Variants in CACUL1 observed in about 807,000 individuals in gnomAD.
The protein encoded by CACUL1 is CDK2 associated cullin domain 1, also known as CDK2-associated and cullin domain-containing protein 1.
Under a neutral mutation model 45.2 loss-of-function variants are expected in CACUL1, and 13 were observed. The observed-to-expected ratio is 0.29, with a 90% CI of 0.19 to 0.46. The LOEUF (loss-of-function observed/expected upper bound fraction) is 0.46, where lower values mean the gene tolerates loss of function less well. Ranked by LOEUF, CACUL1 falls within the 20% of genes least tolerant of loss-of-function variation. The probability of loss-of-function intolerance (pLI) is 1.00; values close to 1 mark genes in which losing one functional copy is unlikely to be tolerated. For missense variants in CACUL1, 421 were observed against 471.4 expected (o/e 0.89, Z 0.99); for synonymous variants, 197 against 174.2 (o/e 1.13, Z -1.03).
At chr10:118,702,748 A>C (rs1468686826) in intron 4 of CACUL1, among the ~76,000 whole-genome samples, 2 of 151,770 alleles carry the variant, frequency 1.3e-5, no homozygotes, top group Admixed American at 6.6e-5. Flanking sequence ...CACCCGGCTA[A>C]TTTTTGTATT....
chr10:118,740,880 C>T (rs1302338889), intron 1 of CACUL1, among the ~76,000 whole-genome samples: 4 of 150,222 alleles, frequency 2.7e-5, no homozygotes, highest in East Asian at 1.9e-4. Context: ...GAGCCAAGAT[C>T]GCGCCACCGC....
At chr10:118,693,713 A>G in intron 6 of CACUL1, 1 of 456,940 alleles carries the variant, frequency 2.2e-6, no homozygotes, top group Non-Finnish European at 4.4e-6. Context: ...CTATTTCAGG[A>G]GCCATCTTCA....
chr10:118,698,155 T>TC (rs1331375766), intron 5 of CACUL1, among the ~76,000 whole-genome samples: 1 of 151,754 alleles, frequency 6.6e-6, no homozygotes, highest in African/African-American at 2.4e-5. Flanking sequence ...TTGCTTTTTT[T>TC]TTTTTTTTTG....
intron 2 of CACUL1, 92 bp downstream of exon 2, chr10:118,730,192 A>G (rs1347618255): frequency 3.1e-6 from 4 of 1,310,326 alleles, no homozygotes; most frequent in Non-Finnish European, 4.4e-6. Flanking sequence ...CATCTTATGC[A>G]TTCTACATTA....
chr10:118,753,603 G>A (rs890176324), intron 1 of CACUL1, among the ~76,000 whole-genome samples: 1 of 152,198 alleles, frequency 6.6e-6, no homozygotes, highest in Admixed American at 6.5e-5. Context: ...CCTGGTCAGA[G>A]GCAGTTTCGG....
chr10:118,705,002 G>A (rs963482235), intron 4 of CACUL1, among the ~76,000 whole-genome samples: 1 of 152,236 alleles, frequency 6.6e-6, no homozygotes, highest in African/African-American at 2.4e-5. Context: ...AGCTTGCAAA[G>A]TGACCAAGAA....
chr10:118,719,634 A>C, intron 3 of CACUL1, among the ~76,000 whole-genome samples: 1 of 152,172 alleles, frequency 6.6e-6, no homozygotes, highest in Non-Finnish European at 1.5e-5. Flanking sequence ...CAACGTGGAG[A>C]AATCCCGTCT....
intron 1 of CACUL1, among the ~76,000 whole-genome samples, chr10:118,745,240 G>A (rs1845830066): frequency 6.6e-6 from 1 of 152,010 alleles, no homozygotes; most frequent in Non-Finnish European, 1.5e-5. Context: ...AGACAAAACT[G>A]AATCATAAAA....
intron 1 of CACUL1, among the ~76,000 whole-genome samples, chr10:118,749,163 T>C (rs1745811866): frequency 6.6e-6 from 1 of 152,236 alleles, no homozygotes; most frequent in Non-Finnish European, 1.5e-5. Context: ...GGTTGTCCCT[T>C]GTAATTCTGG....
intron 7 of CACUL1, among the ~76,000 whole-genome samples, chr10:118,690,883 T>C (rs1845258594): frequency 6.6e-6 from 1 of 152,070 alleles, no homozygotes. Flanking sequence ...CCATCTCTAC[T>C]AAAAATACAA....
In CACUL1 at chr10:118,719,811, C is replaced by CA. The variant is rs896242969; in HGVS notation, c.597+9483dup. ...GGGCAACAAGAGCTAAATTCCGTCT[C>CA]AAAAAAAAAAAAAGGAATTTCTTTC... is the stretch of plus-strand genomic sequence containing the variant. On this transcript the variant is annotated intron_variant, in intron 3 of 8. Transcript: ENST00000369151. Among the ~76,000 whole-genome samples the CA allele has an allele frequency of 8.4e-3, 1,047 of 124,820 alleles. 5 individuals carry two copies. Among genetic ancestry groups the CA allele is most frequent in the Non-Finnish European group, 0.011 (639 of 58,026 alleles). The allele number at this position is 124,820 out of a possible 152,430, so 81.9% of individuals were successfully genotyped here. A position where few individuals can be genotyped will look rare whatever the true frequency, so the allele number is the denominator to read the frequency against.
At position 118,754,862 on chromosome 10, in the gene CACUL1, G is replaced by C. The variant is rs1845942203; in HGVS notation, c.-100C>G. Reference sequence around the variant, plus strand: ...TGCCTCCCCGAGTTACATCGCCGGCGGCAGGAATGGGCGCAGCGGAGAGGG... The same window carrying C: ...TGCCTCCCCGAGTTACATCGCCGGCCGCAGGAATGGGCGCAGCGGAGAGGG... On this transcript the variant is annotated 5_prime_UTR_variant, in exon 1 of 9. Coordinates refer to ENST00000369151, the MANE Select transcript of CACUL1 (RefSeq NM_153810.5). 3 of 1,445,800 alleles carry C rather than the reference G, an allele frequency of 2.1e-6. No homozygotes were observed. In the African/African-American group the frequency reaches 4.5e-5, roughly 22 times the overall value. 89.6% of individuals were successfully genotyped at this position (1,445,800 alleles called of 1,614,324 possible).
intron 5 of CACUL1, among the ~76,000 whole-genome samples, chr10:118,697,772 G>A (rs1262337693): frequency 6.6e-6 from 1 of 152,170 alleles, no homozygotes; most frequent in Non-Finnish European, 1.5e-5. Flanking sequence ...TGCTGCAAAA[G>A]TCAACACACT....
chr10:118,738,880 T>A (rs1170563554), intron 1 of CACUL1, among the ~76,000 whole-genome samples: 1 of 70,514 alleles, frequency 1.4e-5, no homozygotes. Flanking sequence ...AAAGAAGTAA[T>A]CCAAGTGCTC....
At chr10:118,689,505 ATAAT>A (rs1396957806) in intron 7 of CACUL1, among the ~76,000 whole-genome samples, 1 of 152,192 alleles carries the variant, frequency 6.6e-6, no homozygotes, top group East Asian at 1.9e-4. Flanking sequence ...GTTTTATAAA[ATAAT>A]TCCACTTAGA....
chr10:118,699,300 C>T (rs940793842), intron 5 of CACUL1, among the ~76,000 whole-genome samples: 1 of 152,074 alleles, frequency 6.6e-6, no homozygotes, highest in Non-Finnish European at 1.5e-5. Context: ...AGCTTAAGGA[C>T]CTTTTCTGTT....
intron 2 of CACUL1, 69 bp downstream of exon 2, chr10:118,730,215 A>G: frequency 6.7e-7 from 1 of 1,483,054 alleles, no homozygotes; most frequent in Non-Finnish European, 9.4e-7. Flanking sequence ...TGTTTGTGTG[A>G]GGCATAATTC....
chr10:118,732,195 T>C (rs1333766043), intron 1 of CACUL1, among the ~76,000 whole-genome samples: 3 of 152,260 alleles, frequency 2.0e-5, no homozygotes, highest in East Asian at 1.9e-4. Flanking sequence ...TGAGCTGATA[T>C]GGGGTTGGGC....
chr10:118,689,401 T>C (rs1298512476), intron 7 of CACUL1, among the ~76,000 whole-genome samples: 1 of 152,242 alleles, frequency 6.6e-6, no homozygotes, highest in Non-Finnish European at 1.5e-5. Flanking sequence ...AGCACATGTA[T>C]AATAAAGTTT....
Sources: gnomAD v4.1 joint callset for allele counts (sites outside exome capture counted in the v4.1 genomes callset) on GRCh38, gnomAD v4.1.1 for gene constraint, MANE v1.5 for transcripts, NCBI Gene and HGNC (gene_info 2026-07-23, HGNC 2026-07-21) for gene names.